PLK4: variants seen among roughly 807,000 people sequenced by gnomAD.
The protein encoded by PLK4 is polo like kinase 4.
Under a neutral mutation model 103.0 loss-of-function variants are expected in PLK4, and 51 were observed. The ratio of observed to expected loss-of-function variants is 0.50; its 90% CI spans 0.40 to 0.63. PLK4 has a LOEUF of 0.63. Among genes scored for constraint, PLK4 ranks in the 20% least tolerant of loss-of-function variants. The probability of loss-of-function intolerance (pLI) is 0.00; values close to 1 mark genes in which losing one functional copy is unlikely to be tolerated. For synonymous variants in PLK4, 389 were observed against 376.8 expected, an observed-to-expected ratio of 1.03 and a Z score of -0.38; for missense variants, 1,054 against 1,151.0, an observed-to-expected ratio of 0.92 and a Z score of 1.22.
chr4:127,888,242 G>A (rs1317279505), intron 6 of PLK4, among the ~76,000 whole-genome samples: 1 of 123,268 alleles, frequency 8.1e-6, no homozygotes, highest in Non-Finnish European at 1.6e-5. Flanking sequence ...ATAAAGCTCT[G>A]TTACAATATT....
rs753271817 is a variant in PLK4, at chr4:127,893,390, T to A, written c.2294T>A (p.Ile765Lys). 8 of 1,608,212 alleles carry A rather than the reference T, an allele frequency of 5.0e-6. No individual in the cohort carries two copies. The highest frequency in any genetic ancestry group is 1.6e-4 in the Middle Eastern group (1 of 6,062). The change falls in exon 11 of 16, where the codon ATA becomes AAA. Residue 765 changes from isoleucine to lysine, a missense_variant. By Grantham distance (102) the Ile-to-Lys change is moderately radical. Transcript: ENST00000270861. ...ESEVNSLKEE[I>K]KMYMDHANEG... is the part of the protein sequence containing the mutation. ...GAAGTTAATAGCTTGAAAGAGGAGA[T>A]AAAAATGTATATGGACCATGCTAAT...
rs1418643223 is a variant in PLK4 at position 127,893,852 on chromosome 4, C to T, written c.2533C>T (p.Pro845Ser). ...AATGGTCATGCATAGTGCTGCTTCT[C>T]CAACACAGGCACCAATCCTTAATCC... ...NRMVMHSAASPTQAPILNPSM... is the reference protein window; with the variant it reads ...NRMVMHSAASSTQAPILNPSM... The change falls in exon 13 of 16, where the codon CCA (proline) becomes TCA (serine). Residue 845 changes from proline (P) to serine (S), a missense_variant. This residue lies in a region of PLK4 where 167 missense variants were observed against 200.7 expected (regional missense o/e 0.83). Transcript: ENST00000270861. 1 of 1,594,702 alleles carries T rather than the reference C, an allele frequency of 6.3e-7. No individual in the cohort carries two copies. Among genetic ancestry groups the T allele is most frequent in the Admixed American group, 1.7e-5 (1 of 59,884 alleles).
intron 10 of PLK4, 81 bp downstream of exon 10, chr4:127,892,595 A>G (rs537970545): frequency 1.8e-6 from 2 of 1,088,096 alleles, no homozygotes; most frequent in East Asian, 2.4e-5. Context: ...TTAAAATTCA[A>G]CACAGTCAGT....
At chr4:127,891,066 T>G in intron 7 of PLK4, 26 bp from the exon 8 acceptor site, 7 of 1,281,586 alleles carry the variant, frequency 5.5e-6, no homozygotes, top group Non-Finnish European at 7.8e-6. Context: ...GAATTATTAC[T>G]GATTTTGGGT....
At chr4:127,881,331 G>C in intron 1 of PLK4, 167 bp downstream of exon 1, 1 of 1,471,958 alleles carries the variant, frequency 6.8e-7, no homozygotes, top group Non-Finnish European at 9.0e-7. Context: ...GGGCGGAGCG[G>C]CCCGCCCCTC....
intron 10 of PLK4, among the ~76,000 whole-genome samples, chr4:127,892,912 G>C (rs1735417990): frequency 6.6e-6 from 1 of 151,994 alleles, no homozygotes; most frequent in South Asian, 2.1e-4. Flanking sequence ...AAAGATGAAT[G>C]TTCTTATTTT....
At chr4:127,892,312 T>C in intron 9 of PLK4, 53 bp from the exon 10 acceptor site, 1 of 1,169,268 alleles carries the variant, frequency 8.6e-7, no homozygotes, top group Non-Finnish European at 1.2e-6. Context: ...TAGATAAAAC[T>C]GTATGTCAGG....
intron 1 of PLK4, among the ~76,000 whole-genome samples, 172 bp from the exon 2 acceptor site, chr4:127,881,659 G>A (rs1734932882): frequency 6.6e-6 from 1 of 152,102 alleles, no homozygotes; most frequent in African/African-American, 2.4e-5. Flanking sequence ...AGGTATCCCC[G>A]CACGGAGTCA....
Position 127,896,880 on chromosome 4 carries a change from A to G in PLK4, c.2783A>G (p.Tyr928Cys), listed in dbSNP as rs1286315417. 3 of 1,607,946 alleles carry G rather than the reference A, an allele frequency of 1.9e-6. No homozygotes were observed. The Admixed American group carries it at 5.0e-5, about 27-fold the overall frequency. Residue 928 changes from tyrosine to cysteine, a missense_variant, in exon 15 of 16, where the codon TAT becomes TGT. This residue lies in a region of PLK4 where 167 missense variants were observed against 200.7 expected (regional missense o/e 0.83). Coordinates refer to ENST00000270861, the MANE Select transcript of PLK4 (RefSeq NM_014264.5). Reference sequence around the variant, plus strand: ...CAGGCAGGAGTGTCTTCTATCAGTTATACCTCACCAAATGGTCAAACAACT... The same window carrying G: ...CAGGCAGGAGTGTCTTCTATCAGTTGTACCTCACCAAATGGTCAAACAACT... The part of the protein sequence containing the change: ...VVQAGVSSIS[Y>C]TSPNGQTTRY...
Position 127,886,719 on chromosome 4 carries a change from A to T in PLK4, c.1349A>T (p.Asn450Ile). Residue 450 changes from asparagine (N) to isoleucine (I), a missense_variant, in exon 5 of 16, where the codon AAT becomes ATT. Around this residue, in one of 4 missense-constraint regions of PLK4, gnomAD observed 680 missense variants for 660.3 expected, o/e 1.03. Transcript: ENST00000270861. Reference sequence around the variant, plus strand: ...GGATCTTTTGAAAGACCTGATAACAATCAAGCACTGTAAGAATAATTCTAT... The same window carrying T: ...GGATCTTTTGAAAGACCTGATAACATTCAAGCACTGTAAGAATAATTCTAT... ...SSGSFERPDN[N>I]QALSNHLCPG... 1 of 1,594,576 alleles carries T rather than the reference A, an allele frequency of 6.3e-7. No individual in the cohort carries two copies. Among genetic ancestry groups the T allele is most frequent in the Non-Finnish European group, 8.5e-7 (1 of 1,170,390 alleles).
rs576693026 is a variant in PLK4, at chr4:127,885,233, C to T, written c.338-475C>T. On this transcript the variant is annotated intron_variant, in intron 4 of 15. Transcript: ENST00000270861. Reference sequence around the variant, plus strand: ...GGTGGCTCAAGCCTGAAATCCCAGCCCTTTAGGAGGCCGAGGTGGGTGGAT... The same window carrying T: ...GGTGGCTCAAGCCTGAAATCCCAGCTCTTTAGGAGGCCGAGGTGGGTGGAT... Among the ~76,000 whole-genome samples the T allele has an allele frequency of 1.5e-3, 222 of 151,552 alleles. 3 individuals carry two copies. The highest frequency in any genetic ancestry group is 4.2e-3 in the South Asian group (20 of 4,794).
chr4:127,881,420 C>T (rs1391024797), intron 1 of PLK4: 1 of 1,401,544 alleles, frequency 7.1e-7, no homozygotes, highest in African/African-American at 1.5e-5. Context: ...GGCTTTCTTT[C>T]AGCAATCCCG....
intron 8 of PLK4, 117 bp from the exon 9 acceptor site, chr4:127,891,462 A>G: frequency 2.2e-6 from 1 of 461,122 alleles, no homozygotes; most frequent in Non-Finnish European, 3.8e-6. Flanking sequence ...AATATTTAAC[A>G]TTTTTCTATA....
At chr4:127,885,429 A>AGATCGCGCCACTGCACTCC (rs1307083690) in intron 4 of PLK4, among the ~76,000 whole-genome samples, 1 of 147,366 alleles carries the variant, frequency 6.8e-6, no homozygotes, top group Non-Finnish European at 1.5e-5. Flanking sequence ...CTGTGAGCCG[A>AGATCGCGCCACTGCACTCC]GATCGCGCCA....
chr4:127,893,891 T>C lies in PLK4; in HGVS notation c.2562+10T>C. The C allele has an allele frequency of 7.6e-7, 1 of 1,319,346 alleles. No individual in the cohort carries two copies. The highest frequency in any genetic ancestry group is 1.2e-5 in the South Asian group (1 of 84,002). The allele number at this position is 1,319,346 out of a possible 1,614,324, so 81.7% of individuals were successfully genotyped here. A position where few individuals can be genotyped will look rare whatever the true frequency, so the allele number is the denominator to read the frequency against. ...AATCCTTAATCCCTCTGTAAGTAAA[T>C]ATATGTCACTTCTGTACTTTAAACC... On this transcript the variant is annotated intron_variant, in intron 13 of 15. Coordinates refer to ENST00000270861, the MANE Select transcript of PLK4 (RefSeq NM_014264.5).
At chr4:127,891,245 GC>G in intron 8 of PLK4, 49 bp downstream of exon 8, 1 of 915,052 alleles carries the variant, frequency 1.1e-6, no homozygotes, top group Non-Finnish European at 1.7e-6. Context: ...TATCGTTTAA[GC>G]ACGTTTAGCA....
At chr4:127,881,385 G>A (rs764258567) in intron 1 of PLK4, 2 of 1,425,400 alleles carry the variant, frequency 1.4e-6, no homozygotes, top group East Asian at 2.6e-5. Flanking sequence ...GTCCCTCCCC[G>A]CCCGGCAGTG....
Position 127,898,586 on chromosome 4 carries a change from G to GAA in PLK4, c.*45_*46insAA, listed in dbSNP as rs1735665003. The GAA allele has an allele frequency of 1.1e-6, 1 of 921,580 alleles. No homozygotes were observed. The allele number at this position is 921,580 out of a possible 1,614,324, so 57.1% of individuals were successfully genotyped here. The stretch of plus-strand genomic sequence containing the variant: ...TATAAGTTTAATAAATAACTTTTTT[G>GAA]TTGACTTTCAAGTAAAGTGATTTTT... On this transcript the variant is annotated 3_prime_UTR_variant, in exon 16 of 16. Transcript: ENST00000270861.
chr4:127,892,647 C>T, intron 10 of PLK4, 133 bp downstream of exon 10: 2 of 631,180 alleles, frequency 3.2e-6, no homozygotes, highest in Non-Finnish European at 5.4e-6. Context: ...ATAAATTGCA[C>T]AGCGGAGTAT....
Sources: gnomAD v4.1 joint callset for allele counts (sites outside exome capture counted in the v4.1 genomes callset) on GRCh38, gnomAD v4.1.1 for gene constraint, gnomAD v4.1.1 regional missense constraint, MANE v1.5 for transcripts, NCBI Gene and HGNC (gene_info 2026-07-23, HGNC 2026-07-21) for gene names.